The following DNAH5 variants were observed in gnomAD, a reference collection of about 807,000 sequenced individuals.
The protein encoded by DNAH5 is axonemal beta dynein heavy chain 5.
Under a neutral mutation model 518.2 loss-of-function variants are expected in DNAH5, and 372 were observed. The ratio of observed to expected loss-of-function variants is 0.72; its 90% CI spans 0.66 to 0.78. The LOEUF (loss-of-function observed/expected upper bound fraction) is 0.78, where lower values mean the gene tolerates loss of function less well. Among genes scored for constraint, DNAH5 ranks in the 30% least tolerant of loss-of-function variants. The pLI is 0.00. For synonymous variants in DNAH5, 2,039 were observed against 2,025.9 expected (o/e 1.01, Z -0.17); for missense variants, 5,523 against 5,687.0 (o/e 0.97, Z 0.93).
intron 6 of DNAH5, 36 bp downstream of exon 6, chr5:13,920,443 TG>T (rs771189010): frequency 1.2e-6 from 2 of 1,613,308 alleles, no homozygotes; most frequent in African/African-American, 2.7e-5. Context: ...CGCAGTAATG[TG>T]GCACCTGAAA....
At chr5:14,002,410 A>T (rs1784422521) in intron 1 of DNAH5, among the ~76,000 whole-genome samples, 2 of 152,184 alleles carry the variant, frequency 1.3e-5, no homozygotes, top group South Asian at 4.1e-4. Flanking sequence ...GTACTTTTAA[A>T]GTTGACAATA....
chr5:13,822,237 C>CTT (rs200658842), intron 40 of DNAH5, among the ~76,000 whole-genome samples: 2 of 145,756 alleles, frequency 1.4e-5, no homozygotes, highest in African/African-American at 5.0e-5. Context: ...TTTTGATTTC[C>CTT]TTTTTTTTTT....
At chr5:13,747,829 A>G (rs2126674104) in intron 65 of DNAH5, among the ~76,000 whole-genome samples, 1 of 152,246 alleles carries the variant, frequency 6.6e-6, no homozygotes, top group East Asian at 1.9e-4. Context: ...CCCATTCTGT[A>G]GGTTGCCTGT....
intron 1 of DNAH5, among the ~76,000 whole-genome samples, chr5:13,983,464 T>G (rs1488943380): frequency 6.6e-6 from 1 of 152,178 alleles, no homozygotes; most frequent in Non-Finnish European, 1.5e-5. Flanking sequence ...AAATTAAAAC[T>G]GAGACATGTT....
intron 18 of DNAH5, among the ~76,000 whole-genome samples, chr5:13,885,732 C>A (rs1164275347): frequency 2.0e-5 from 3 of 152,114 alleles, no homozygotes; most frequent in African/African-American, 7.2e-5. Flanking sequence ...AGAAAGCTAA[C>A]CAGGGCCAAT....
At chr5:13,702,930 C>T (rs1045381185) in intron 76 of DNAH5, among the ~76,000 whole-genome samples, 4 of 152,006 alleles carry the variant, frequency 2.6e-5, no homozygotes, top group African/African-American at 9.7e-5. Flanking sequence ...TATCCTCCCA[C>T]CCACCAACCT....
intron 73 of DNAH5, 112 bp downstream of exon 73, chr5:13,717,203 G>T: frequency 1.0e-6 from 1 of 999,124 alleles, no homozygotes; most frequent in Non-Finnish European, 1.5e-6. Flanking sequence ...AGATGACTTT[G>T]CAAGCACAGC....
chr5:13,905,918 C>T (rs955379295), intron 12 of DNAH5, among the ~76,000 whole-genome samples: 2 of 152,100 alleles, frequency 1.3e-5, no homozygotes, highest in African/African-American at 2.4e-5. Flanking sequence ...TACATCACAA[C>T]TGAATAATGG....
At chr5:13,990,242 C>A (rs1205125937) in intron 1 of DNAH5, among the ~76,000 whole-genome samples, 1 of 152,110 alleles carries the variant, frequency 6.6e-6, no homozygotes, top group East Asian at 1.9e-4. Flanking sequence ...CACAGTTGTT[C>A]TAAAAACTTT....
intron 46 of DNAH5, 57 bp downstream of exon 46, chr5:13,808,987 G>T (rs1200271103): frequency 6.3e-7 from 1 of 1,586,994 alleles, no homozygotes; most frequent in African/African-American, 1.3e-5. Context: ...ATAAATGCAG[G>T]ATGCTTCATG....
chr5:13,811,905 G>T, intron 43 of DNAH5, 82 bp from the exon 44 acceptor site: 3 of 1,242,878 alleles, frequency 2.4e-6, no homozygotes, highest in Non-Finnish European at 2.3e-6. Context: ...AATTTTAAAA[G>T]TATCTGTTAA....
chr5:13,875,701 C>T (rs1187682252), intron 22 of DNAH5, among the ~76,000 whole-genome samples: 1 of 151,946 alleles, frequency 6.6e-6, no homozygotes, highest in Non-Finnish European at 1.5e-5. Flanking sequence ...CAGTATAGAG[C>T]TTAATAATCT....
At chr5:13,827,809 G>T (rs929421180) in intron 38 of DNAH5, among the ~76,000 whole-genome samples, 2 of 151,934 alleles carry the variant, frequency 1.3e-5, no homozygotes, top group African/African-American at 4.8e-5. Context: ...AATCATAGGG[G>T]CAGTTACCCT....
chr5:13,919,411 TAAA>T, intron 6 of DNAH5, 59 bp from the exon 7 acceptor site: 2 of 1,584,322 alleles, frequency 1.3e-6, no homozygotes, highest in Non-Finnish European at 1.7e-6. Flanking sequence ...GCTAAAGTTA[TAAA>T]CAAGCAAAAA....
intron 23 of DNAH5, 44 bp downstream of exon 23, chr5:13,871,520 A>G (rs746644990): frequency 1.3e-6 from 2 of 1,514,354 alleles, no homozygotes; most frequent in Non-Finnish European, 1.8e-6. Flanking sequence ...AGGCAGAACA[A>G]TAATGGCTAA....
rs1313763024 is a variant in DNAH5, at chr5:13,714,579, G to T, written c.12951C>A (p.His4317Gln). The change falls in exon 75 of 79, where the codon CAC becomes CAA. Residue 4317 changes from histidine (H) to glutamine (Q), a missense_variant. By Grantham distance (24) the His-to-Gln change is conservative. Transcript: ENST00000265104. ...AYDSPEVFGL[H>Q]PNADITYQSK... Reference sequence around the variant, plus strand: ...TCTGGTAGGTGATGTCAGCATTGGGGTGCAGCCCAAACACCTCAGGGCTGT... The same window carrying T: ...TCTGGTAGGTGATGTCAGCATTGGGTTGCAGCCCAAACACCTCAGGGCTGT... The T allele has an allele frequency of 1.2e-6, 2 of 1,614,140 alleles. No homozygotes were observed. Among genetic ancestry groups the T allele is most frequent in the South Asian group, 2.2e-5 (2 of 91,090 alleles).
chr5:13,949,258 C>A (rs906343120), upstream of DNAH5, among the ~76,000 whole-genome samples: 2 of 152,062 alleles, frequency 1.3e-5, no homozygotes, highest in African/African-American at 4.8e-5. Context: ...AACATGAAGG[C>A]CAGTATGATT....
chr5:13,794,097 T>A (rs751960599), intron 47 of DNAH5, 39 bp from the exon 48 acceptor site: 13 of 1,613,658 alleles, frequency 8.1e-6, no homozygotes, highest in Non-Finnish European at 1.0e-5. Flanking sequence ...TGTGAAAATA[T>A]CCCCTAAAAC....
At chr5:14,001,524 C>A (rs1019607612) in intron 1 of DNAH5, among the ~76,000 whole-genome samples, 5 of 151,918 alleles carry the variant, frequency 3.3e-5, no homozygotes, top group African/African-American at 1.2e-4. Flanking sequence ...CCACCACACC[C>A]AGCTAATTTT....
Sources: gnomAD v4.1 joint callset for allele counts (sites outside exome capture counted in the v4.1 genomes callset) on GRCh38, gnomAD v4.1.1 for gene constraint, MANE v1.5 for transcripts, NCBI Gene and HGNC (gene_info 2026-07-23, HGNC 2026-07-21) for gene names.